NEURL1: variants seen among roughly 807,000 people sequenced by gnomAD.
The protein encoded by NEURL1 is E3 ubiquitin-protein ligase NEURL1.
In NEURL1, 26 loss-of-function variants were observed where a neutral mutation model predicts 41.2. The observed-to-expected ratio is 0.63, with a 90% CI of 0.46 to 0.87. NEURL1 has a LOEUF of 0.87. Ranked by LOEUF, NEURL1 falls within the 40% of genes least tolerant of loss-of-function variation. NEURL1 has a pLI of 0.00. For synonymous variants in NEURL1, 400 were observed against 402.3 expected (o/e 0.99, Z 0.07); for missense variants, 761 against 871.1 (o/e 0.87, Z 1.59).
rs188853669 is a variant in NEURL1 at position 103,526,951 on chromosome 10, C to A, written c.85+32479C>A. 1.1e-3 allele frequency among the ~76,000 whole-genome samples: 170 copies of A among 148,816 alleles called. 4 individuals are homozygous for A. Among genetic ancestry groups the A allele is most frequent in the Admixed American group, 1.3e-3 (20 of 14,924 alleles). On this transcript the variant is annotated intron_variant, in intron 1 of 5. Transcript: ENST00000369780. Reference sequence around the variant, plus strand: ...ATCTTTTTTTTTTTTTAAGTAAAAGCAAGTTTATTAGAGAAGTAAAGAAAC... The same window carrying A: ...ATCTTTTTTTTTTTTTAAGTAAAAGAAAGTTTATTAGAGAAGTAAAGAAAC...
chr10:103,499,993 C>T (rs190962440), intron 1 of NEURL1, among the ~76,000 whole-genome samples: 1 of 152,312 alleles, frequency 6.6e-6, no homozygotes, highest in African/African-American at 2.4e-5. Context: ...TCCCTCAGCT[C>T]TTGTCTGGGC....
intron 3 of NEURL1, 109 bp from the exon 4 acceptor site, chr10:103,584,427 A>G (rs2035851718): frequency 1.7e-6 from 1 of 580,350 alleles, no homozygotes; most frequent in Non-Finnish European, 2.6e-6. Context: ...CGTGTGCGCC[A>G]TTAGCCATCC....
At chr10:103,518,718 T>G (rs1301290173) in intron 1 of NEURL1, among the ~76,000 whole-genome samples, 2 of 152,162 alleles carry the variant, frequency 1.3e-5, no homozygotes, top group Non-Finnish European at 2.9e-5. Context: ...TATTCTGTGG[T>G]TCCATACCTT....
At chr10:103,584,190 G>A (rs1183050975) in intron 3 of NEURL1, among the ~76,000 whole-genome samples, 1 of 152,116 alleles carries the variant, frequency 6.6e-6, no homozygotes, top group Non-Finnish European at 1.5e-5. Context: ...GGGATAAGAC[G>A]GAAGGAGCCC....
At chr10:103,549,651 TTGA>T (rs1564817926) in intron 1 of NEURL1, among the ~76,000 whole-genome samples, 1 of 152,190 alleles carries the variant, frequency 6.6e-6, no homozygotes, top group Non-Finnish European at 1.5e-5. Flanking sequence ...TCCCTTGTTC[TTGA>T]TGAAGGAAAC....
At chr10:103,502,631 C>T (rs577541231) in intron 1 of NEURL1, among the ~76,000 whole-genome samples, 2 of 152,162 alleles carry the variant, frequency 1.3e-5, no homozygotes, top group African/African-American at 2.4e-5. Flanking sequence ...ATTGAGGGGG[C>T]GGGTAAAATT....
chr10:103,558,371 T>TACAC lies in NEURL1; in HGVS notation c.86-12500_86-12499insCACA. The TACAC allele has an allele frequency of 4.4e-5, 17 of 389,140 alleles. No homozygotes were observed. The highest frequency in any genetic ancestry group is 5.3e-5 in the Non-Finnish European group (15 of 284,764). The allele number at this position is 389,140 out of a possible 1,614,324, so 24.1% of individuals were successfully genotyped here. ...TGAGCTTCTGATGTCAACAGATGTG[T>TACAC]ATCTGTGTTTTAGATCTCTGTGTAC... is the stretch of plus-strand genomic sequence containing the variant. On this transcript the variant is annotated intron_variant, in intron 1 of 5. Transcript: ENST00000369780. This position sits in a 1 kb window ranked among gnomAD's most constrained non-coding sequence, Gnocchi z 4.2.
At chr10:103,576,966 C>T (rs2035678745) in intron 3 of NEURL1, among the ~76,000 whole-genome samples, 1 of 152,030 alleles carries the variant, frequency 6.6e-6, no homozygotes, top group Non-Finnish European at 1.5e-5. Flanking sequence ...ATGAGTGATC[C>T]CCAGCCGAGG....
chr10:103,495,870 G>A (rs1035863228), intron 1 of NEURL1, among the ~76,000 whole-genome samples: 12 of 152,234 alleles, frequency 7.9e-5, no homozygotes, highest in African/African-American at 2.9e-4. Flanking sequence ...CACTTTGGGA[G>A]GCTGAGGCAG....
At position 103,570,847 on chromosome 10, in the gene NEURL1, G is replaced by T; in HGVS notation, c.86-25G>T. ...GGCTCTTGGACCCGCCAAGTTCTCT[G>T]ACACCGTGGCCTGTTCCTTTGCAGA... On this transcript the variant is annotated intron_variant, in intron 1 of 5. Coordinates refer to ENST00000369780, the MANE Select transcript of NEURL1 (RefSeq NM_004210.5). 3 of 1,601,492 alleles carry T rather than the reference G, an allele frequency of 1.9e-6. No individual in the cohort carries two copies. In the South Asian group the frequency reaches 3.3e-5, roughly 18 times the overall value.
At chr10:103,521,964 A>G (rs1321645048) in intron 1 of NEURL1, among the ~76,000 whole-genome samples, 3 of 151,924 alleles carry the variant, frequency 2.0e-5, no homozygotes, top group African/African-American at 7.3e-5. Flanking sequence ...GGGCCGTTTT[A>G]TAGGATTTGG....
chr10:103,495,057 A>G (rs1431870517), intron 1 of NEURL1, among the ~76,000 whole-genome samples: 2 of 152,196 alleles, frequency 1.3e-5, no homozygotes, highest in Non-Finnish European at 2.9e-5. Context: ...TCAGAGCCCT[A>G]GAAAAGAGGG....
Position 103,587,591 on chromosome 10 carries a change from T to A in NEURL1, c.1340-1923T>A, listed in dbSNP as rs114291349. Reference sequence around the variant, plus strand: ...CCTTATAGAGGAATGCTTGGCTTTGTGGCTAGCCTAAGTATACTAAAAATA... The same window carrying A: ...CCTTATAGAGGAATGCTTGGCTTTGAGGCTAGCCTAAGTATACTAAAAATA... On this transcript the variant is annotated intron_variant, in intron 4 of 5. Coordinates refer to ENST00000369780, the MANE Select transcript of NEURL1 (RefSeq NM_004210.5). 2.0e-3 allele frequency among the ~76,000 whole-genome samples: 304 copies of A among 152,374 alleles called. 1 individual carries two copies. Among genetic ancestry groups the A allele is most frequent in the African/African-American group, 7.0e-3 (292 of 41,582 alleles).
chr10:103,550,395 A>G (rs1364251845), intron 1 of NEURL1: 5 of 152,396 alleles, frequency 3.3e-5, no homozygotes, highest in African/African-American at 1.2e-4. Context: ...GGACAGATGC[A>G]GCTGGGGATT....
At chr10:103,520,571 C>A (rs2034325196) in intron 1 of NEURL1, among the ~76,000 whole-genome samples, 1 of 152,196 alleles carries the variant, frequency 6.6e-6, no homozygotes, top group African/African-American at 2.4e-5. Flanking sequence ...TCACTTGCTT[C>A]AGGCCATCTG....
intron 1 of NEURL1, among the ~76,000 whole-genome samples, chr10:103,524,224 G>A (rs1312398005): frequency 6.6e-6 from 1 of 152,058 alleles, no homozygotes; most frequent in East Asian, 1.9e-4. Context: ...ATACTTGTTG[G>A]TTTTGTCTGC....
At position 103,500,465 on chromosome 10, in the gene NEURL1, G is replaced by A. The variant is rs11818281; in HGVS notation, c.85+5993G>A. ...TTTAGAGTTTATTATTGTGATCGCT[G>A]TATTATCCTGCCCCTGTAGCATTTA... On this transcript the variant is annotated intron_variant, in intron 1 of 5. Transcript: ENST00000369780. Among the ~76,000 whole-genome samples, 1,189 of 152,316 alleles carry A rather than the reference G, an allele frequency of 7.8e-3. 11 individuals carry two copies. Among genetic ancestry groups the A allele is most frequent in the African/African-American group, 0.027 (1,117 of 41,564 alleles).
intron 1 of NEURL1, among the ~76,000 whole-genome samples, chr10:103,499,082 G>T (rs1021256591): frequency 3.3e-5 from 5 of 152,218 alleles, no homozygotes; most frequent in Non-Finnish European, 2.9e-5. Context: ...TTCAAAAGGT[G>T]GTGCTTCTTG....
At chr10:103,494,589 G>T in intron 1 of NEURL1, 117 bp downstream of exon 1, 1 of 905,680 alleles carries the variant, frequency 1.1e-6, no homozygotes, top group East Asian at 3.0e-5. Context: ...GGCCGGAGAT[G>T]CACCTCTGGC....
Sources: allele counts gnomAD v4.1 joint callset (sites outside exome capture counted in the v4.1 genomes callset), GRCh38; gene constraint gnomAD v4.1.1; non-coding constraint Gnocchi (gnomAD v3.1); transcripts MANE v1.5; gene names NCBI Gene and HGNC (gene_info 2026-07-23, HGNC 2026-07-21).